Variants in KAZN observed in about 807,000 individuals in gnomAD.
KAZN encodes kazrin.
A neutral mutation model predicts 87.4 loss-of-function variants in KAZN; 40 were observed. The observed-to-expected ratio is 0.46, with a 90% confidence interval of 0.36 to 0.60. The LOEUF (loss-of-function observed/expected upper bound fraction) is 0.60. Among genes scored for constraint, KAZN ranks in the 20% least tolerant of loss-of-function variants. The pLI is 0.00. For missense variants in KAZN, 898 were observed against 1,073.9 expected (o/e 0.84, Z 2.29); for synonymous variants, 466 against 458.3 (o/e 1.02, Z -0.22).
rs143559414 is a variant in KAZN, at chr1:14,976,661, G to T, written c.418+15786G>T. 3.1e-3 allele frequency among the ~76,000 whole-genome samples: 469 copies of T among 152,304 alleles called. 3 individuals carry two copies. Among genetic ancestry groups the T allele is most frequent in the Middle Eastern group, 0.017 (5 of 294 alleles). On this transcript the variant is annotated intron_variant, in intron 2 of 14. Transcript: ENST00000376030. The stretch of plus-strand genomic sequence containing the variant: ...TGGTTTGGCTTCTTGGCTGACCTGC[G>T]ACGAGGCCCAACCAGATGGGCATTG...
At chr1:14,814,851 A>G (rs1282899188) in intron 1 of KAZN, among the ~76,000 whole-genome samples, 1 of 152,188 alleles carries the variant, frequency 6.6e-6, no homozygotes, top group Non-Finnish European at 1.5e-5. Context: ...ATGTATTTCT[A>G]TATGTTCTAG....
intron 2 of KAZN, among the ~76,000 whole-genome samples, chr1:14,469,935 C>T (rs1250274118): frequency 2.0e-5 from 3 of 151,944 alleles, no homozygotes; most frequent in Non-Finnish European, 2.9e-5. Context: ...TTATAAAACA[C>T]AAAGAAATAG....
At chr1:13,943,090 A>G (rs193141586) in intron 1 of KAZN, among the ~76,000 whole-genome samples, 6 of 152,374 alleles carry the variant, frequency 3.9e-5, no homozygotes, top group Admixed American at 1.3e-4. Context: ...ACTGATTAAT[A>G]TCATCAAGCC....
At chr1:13,903,670 G>T (rs538710944) in intron 1 of KAZN, among the ~76,000 whole-genome samples, 52 of 152,256 alleles carry the variant, frequency 3.4e-4, no homozygotes, top group Admixed American at 2.6e-4. Flanking sequence ...CTTAAAGAAA[G>T]AACTGGTCTG....
intron 1 of KAZN, among the ~76,000 whole-genome samples, chr1:14,763,716 G>T (rs1162439653): frequency 1.3e-5 from 2 of 152,150 alleles, no homozygotes; most frequent in African/African-American, 4.8e-5. Context: ...GCCTAAGGGG[G>T]AGATGGGATG....
At chr1:14,975,302 G>T (rs1489755640) in intron 2 of KAZN, among the ~76,000 whole-genome samples, 2 of 152,200 alleles carry the variant, frequency 1.3e-5, no homozygotes, top group African/African-American at 4.8e-5. Flanking sequence ...TTTTAAATAG[G>T]TCTGACCACC....
At chr1:14,798,622 G>A (rs999520584) in intron 1 of KAZN, among the ~76,000 whole-genome samples, 13 of 151,474 alleles carry the variant, frequency 8.6e-5, no homozygotes, top group African/African-American at 3.2e-4. Flanking sequence ...TTTTAATAGA[G>A]ATGGGGTTTC....
At chr1:14,587,449 A>G (rs1015201721) in intron 2 of KAZN, among the ~76,000 whole-genome samples, 5 of 99,144 alleles carry the variant, frequency 5.0e-5, no homozygotes, top group Non-Finnish European at 1.1e-4. Context: ...AAAAAAAAGA[A>G]AAAAAAAAAA....
intron 8 of KAZN, among the ~76,000 whole-genome samples, chr1:15,068,565 C>T (rs952204830): frequency 3.3e-5 from 5 of 152,014 alleles, no homozygotes; most frequent in African/African-American, 4.8e-5. Context: ...GCGCGTCCCA[C>T]GATCCCACCC....
intron 1 of KAZN, among the ~76,000 whole-genome samples, chr1:14,093,684 TAGAC>T (rs1644060755): frequency 3.3e-5 from 5 of 151,558 alleles, no homozygotes; most frequent in Admixed American, 3.3e-4. Context: ...AAACTGACAA[TAGAC>T]AGTTTAACAG....
intron 2 of KAZN, among the ~76,000 whole-genome samples, chr1:14,963,783 C>T (rs1006309033): frequency 6.6e-6 from 1 of 151,576 alleles, no homozygotes; most frequent in African/African-American, 2.4e-5. Flanking sequence ...CTCCCCTTGC[C>T]CCCTACTGCC....
chr1:14,327,462 G>A (rs1214059204), intron 2 of KAZN, among the ~76,000 whole-genome samples: 2 of 152,012 alleles, frequency 1.3e-5, no homozygotes, highest in Non-Finnish European at 2.9e-5. Context: ...TCCCCCTAGC[G>A]GGCCTCAGTC....
intron 8 of KAZN, among the ~76,000 whole-genome samples, chr1:15,090,348 C>G (rs891467284): frequency 1.3e-5 from 2 of 152,208 alleles, no homozygotes; most frequent in African/African-American, 4.8e-5. Flanking sequence ...AGGCTGGAGG[C>G]CTCCCGGGGG....
At chr1:14,367,997 A>C (rs1412778805) in intron 2 of KAZN, among the ~76,000 whole-genome samples, 1 of 152,196 alleles carries the variant, frequency 6.6e-6, no homozygotes. Flanking sequence ...AGAGCTTGAA[A>C]TCTAAGTTCA....
At chr1:13,951,557 T>G (rs1275419385) in intron 1 of KAZN, among the ~76,000 whole-genome samples, 1 of 151,308 alleles carries the variant, frequency 6.6e-6, no homozygotes, top group African/African-American at 2.4e-5. Context: ...CTGTAGGGTG[T>G]TGTTATGTCT....
At chr1:14,969,362 A>T (rs1443134864) in intron 2 of KAZN, among the ~76,000 whole-genome samples, 2 of 152,248 alleles carry the variant, frequency 1.3e-5, no homozygotes. Context: ...CCTGGGGTTG[A>T]ATGTGTATGT....
At chr1:14,884,936 A>G (rs1328915874) in intron 1 of KAZN, among the ~76,000 whole-genome samples, 3 of 152,168 alleles carry the variant, frequency 2.0e-5, no homozygotes, top group Non-Finnish European at 2.9e-5. Flanking sequence ...AGCAGAGGGG[A>G]CCTTAGACCC....
rs941733248 is a variant in KAZN at position 15,115,803 on chromosome 1, A to T, written c.*1168A>T. ...ATACTTCTGGTTCCCTCCCAGGGAC[A>T]TCGTGAGGATTAACACTTGCTAATA... is the stretch of plus-strand genomic sequence containing the variant. On this transcript the variant is annotated 3_prime_UTR_variant, in exon 15 of 15. Coordinates refer to ENST00000376030, the MANE Select transcript of KAZN (RefSeq NM_201628.3). The surrounding 1 kb of genome is among the most constrained non-coding windows in gnomAD (Gnocchi z 4.1). 1 of 152,226 alleles carries T rather than the reference A, an allele frequency of 6.6e-6. No homozygotes were observed. Among genetic ancestry groups the T allele is most frequent in the Non-Finnish European group, 1.5e-5 (1 of 68,046 alleles). 9.4% of individuals were successfully genotyped at this position (152,226 alleles called of 1,614,324 possible). A position where few individuals can be genotyped will look rare whatever the true frequency, so the allele number is the denominator to read the frequency against.
Position 15,044,147 on chromosome 1 carries a change from C to T in KAZN, c.714C>T (p.Ala238=). ...LKDNRMKELE[A]ELAMAKQSLA... is the part of the protein sequence containing the mutation. ...ACAACCGGATGAAGGAGCTGGAGGC[C>T]GAGCTGGCCATGGTGAGAACCCTCC... is the stretch of plus-strand genomic sequence containing the variant. The change falls in exon 4 of 15, where the codon GCC becomes GCT. Residue 238 remains alanine, a synonymous_variant. Transcript: ENST00000376030. 2.5e-6 allele frequency: 4 copies of T among 1,606,166 alleles called. No individual in the cohort carries two copies. The highest frequency in any genetic ancestry group is 1.8e-4 in the Middle Eastern group (1 of 5,452).
Sources: gnomAD v4.1 joint callset for allele counts (sites outside exome capture counted in the v4.1 genomes callset) on GRCh38, gnomAD v4.1.1 for gene constraint, Gnocchi (gnomAD v3.1) non-coding constraint, MANE v1.5 for transcripts, NCBI Gene and HGNC (gene_info 2026-07-23, HGNC 2026-07-21) for gene names.